Variants in ARL13B observed in about 807,000 individuals in gnomAD.
ARL13B encodes ADP-ribosylation factor-like protein 13B.
A neutral mutation model predicts 56.1 loss-of-function variants in ARL13B; 36 were observed. The observed-to-expected ratio is 0.64, with a 90% CI of 0.49 to 0.85. ARL13B has a LOEUF of 0.85. Ranked by LOEUF, ARL13B falls within the 40% of genes least tolerant of loss-of-function variation. The pLI is 0.00. For synonymous variants in ARL13B, 178 were observed against 171.1 expected (o/e 1.04, Z -0.32); for missense variants, 519 against 507.1 (o/e 1.02, Z -0.23).
chr3:93,980,303 C>G lies in ARL13B; in HGVS notation c.-121C>G, dbSNP rs1381398973. The G allele has an allele frequency of 7.3e-7, 1 of 1,368,566 alleles. No individual in the cohort carries two copies. The highest frequency in any genetic ancestry group is 1.0e-6 in the Non-Finnish European group (1 of 973,734). 84.8% of individuals were successfully genotyped at this position (1,368,566 alleles called of 1,614,324 possible). On this transcript the variant is annotated 5_prime_UTR_variant, in exon 1 of 10. Transcript: ENST00000394222. ...CCGGCCGCCTTCACTTCCCTCCCGG[C>G]TTTTCCTCCCGACTTATCCACTTTA...
Position 94,054,350 on chromosome 3 carries a change from T to C in ARL13B, c.*1087T>C, listed in dbSNP as rs893327227. The C allele has an allele frequency of 1.4e-5, 6 of 427,984 alleles. No individual in the cohort carries two copies. Among genetic ancestry groups the C allele is most frequent in the Non-Finnish European group, 1.8e-5 (4 of 216,478 alleles). 26.5% of individuals were successfully genotyped at this position (427,984 alleles called of 1,614,324 possible). The stretch of plus-strand genomic sequence containing the variant: ...TATAAATAAATAATTCCAAAATAAT[T>C]TCTTAATTTAAAATGATAGCACTTC... On this transcript the variant is annotated 3_prime_UTR_variant, in exon 10 of 10. Transcript: ENST00000394222.
At chr3:94,050,310 A>G (rs1156480370) in intron 8 of ARL13B, among the ~76,000 whole-genome samples, 1 of 152,196 alleles carries the variant, frequency 6.6e-6, no homozygotes, top group Non-Finnish European at 1.5e-5. Context: ...TAATGCATAT[A>G]AAACACTGGG....
At chr3:94,014,439 TC>T (rs2076284318) in intron 3 of ARL13B, 1 of 1,593,816 alleles carries the variant, frequency 6.3e-7, no homozygotes, top group South Asian at 1.2e-5. Context: ...TGCAAGGATT[TC>T]TTTTTTTGTA....
intron 3 of ARL13B, among the ~76,000 whole-genome samples, chr3:94,009,077 A>ATAGATAGT (rs2107460166): frequency 8.2e-6 from 1 of 121,588 alleles, no homozygotes; most frequent in East Asian, 2.2e-4. Flanking sequence ...AGCAGTAAAG[A>ATAGATAGT]TAGATAGATA....
At chr3:94,015,176 C>G in intron 3 of ARL13B, 2 of 1,613,824 alleles carry the variant, frequency 1.2e-6, no homozygotes, top group Non-Finnish European at 1.7e-6. Flanking sequence ...AGAAACACCC[C>G]TTGTTCCTCT....
intron 1 of ARL13B, among the ~76,000 whole-genome samples, chr3:93,980,888 A>T (rs1011527133): frequency 1.3e-5 from 2 of 152,194 alleles, no homozygotes; most frequent in African/African-American, 4.8e-5. Flanking sequence ...TCACACCTCC[A>T]CACAGTTGTA....
intron 2 of ARL13B, among the ~76,000 whole-genome samples, chr3:93,998,713 T>C (rs952911388): frequency 1.3e-5 from 2 of 152,200 alleles, no homozygotes; most frequent in Non-Finnish European, 2.9e-5. Context: ...TGTCCACTTT[T>C]TTGGCCTGCT....
rs762341409 is a variant in ARL13B at position 94,054,728 on chromosome 3, C to T, written c.*1465C>T. ...ATCAGGTCACCTGTACTCTAGTCAG[C>T]ACTGTATATATTCTTGGAGTTTGTA... On this transcript the variant is annotated 3_prime_UTR_variant, in exon 10 of 10. Coordinates refer to ENST00000394222, the MANE Select transcript of ARL13B (RefSeq NM_001174150.2). The T allele has an allele frequency of 9.4e-6, 4 of 423,322 alleles. No individual in the cohort carries two copies. Among genetic ancestry groups the T allele is most frequent in the South Asian group, 7.0e-5 (4 of 57,436 alleles). The allele number at this position is 423,322 out of a possible 1,614,324, so 26.2% of individuals were successfully genotyped here.
At chr3:93,994,875 A>G (rs2075938897) in intron 1 of ARL13B, among the ~76,000 whole-genome samples, 1 of 151,686 alleles carries the variant, frequency 6.6e-6, no homozygotes, top group Non-Finnish European at 1.5e-5. Context: ...ATGAAAGGAC[A>G]CCCTTTACGG....
At chr3:94,038,852 G>A (rs914441503) in intron 5 of ARL13B, among the ~76,000 whole-genome samples, 1 of 152,040 alleles carries the variant, frequency 6.6e-6, no homozygotes, top group Non-Finnish European at 1.5e-5. Context: ...TACTCATCAT[G>A]TATGGAACAA....
chr3:93,999,625 G>A (rs1401478873), intron 2 of ARL13B, among the ~76,000 whole-genome samples: 2 of 152,024 alleles, frequency 1.3e-5, no homozygotes, highest in Non-Finnish European at 2.9e-5. Flanking sequence ...ATTGACTATA[G>A]TCTGCCTGTT....
At chr3:94,023,187 T>C (rs2076486005) in intron 3 of ARL13B, among the ~76,000 whole-genome samples, 1 of 152,168 alleles carries the variant, frequency 6.6e-6, no homozygotes, top group Non-Finnish European at 1.5e-5. Context: ...TTCTGTCCTA[T>C]ACTTGAATAC....
At position 93,980,250 on chromosome 3, in the gene ARL13B, A is replaced by C. The variant is rs1246300253; in HGVS notation, c.-174A>C. 2 of 798,294 alleles carry C rather than the reference A, an allele frequency of 2.5e-6. No homozygotes were observed. The highest frequency in any genetic ancestry group is 4.2e-6 in the Non-Finnish European group (2 of 471,802). The allele number at this position is 798,294 out of a possible 1,614,324, so 49.5% of individuals were successfully genotyped here. On this transcript the variant is annotated 5_prime_UTR_variant, in exon 1 of 10. Coordinates refer to ENST00000394222, the MANE Select transcript of ARL13B (RefSeq NM_001174150.2). ...CTAAGAGGGCAGTCGTCGCGGACCC[A>C]CGCGGTTAGCAAGGCTTAGTGCTCG...
intron 3 of ARL13B, chr3:94,028,665 C>A (rs1429175098): frequency 2.0e-5 from 3 of 152,200 alleles, no homozygotes; most frequent in Non-Finnish European, 4.4e-5. Context: ...AAAGGAAGAT[C>A]ATTTTCATTG....
chr3:94,047,384 G>C (rs1319102275), intron 7 of ARL13B, among the ~76,000 whole-genome samples: 1 of 152,132 alleles, frequency 6.6e-6, no homozygotes, highest in Non-Finnish European at 1.5e-5. Flanking sequence ...TATTACAGTG[G>C]TCGCTAAGTT....
intron 3 of ARL13B, among the ~76,000 whole-genome samples, chr3:94,026,078 G>A (rs2076551215): frequency 6.7e-6 from 1 of 148,574 alleles, no homozygotes; most frequent in African/African-American, 2.5e-5. Context: ...GGAGTGCAGT[G>A]GCACCATCTC....
chr3:94,034,153 T>A (rs1475164225), intron 3 of ARL13B, among the ~76,000 whole-genome samples: 1 of 152,084 alleles, frequency 6.6e-6, no homozygotes, highest in African/African-American at 2.4e-5. Context: ...TAATGATTTT[T>A]TAATATCTGG....
chr3:94,014,535 C>G (rs1172244773), intron 3 of ARL13B: 1 of 1,612,842 alleles, frequency 6.2e-7, no homozygotes, highest in Non-Finnish European at 8.5e-7. Flanking sequence ...TGTTGATGCT[C>G]TCTCCTTGTT....
chr3:94,048,538 T>G (rs1004415401), intron 7 of ARL13B, among the ~76,000 whole-genome samples: 1 of 152,172 alleles, frequency 6.6e-6, no homozygotes, highest in Admixed American at 6.5e-5. Context: ...CGTGTTTGTA[T>G]TGTATTGGGC....
Sources: allele counts gnomAD v4.1 joint callset (sites outside exome capture counted in the v4.1 genomes callset), GRCh38; gene constraint gnomAD v4.1.1; transcripts MANE v1.5; gene names NCBI Gene and HGNC (gene_info 2026-07-23, HGNC 2026-07-21).